RYR2: variants seen among roughly 807,000 people sequenced by gnomAD.
RYR2 encodes the protein cardiac muscle ryanodine receptor-calcium release channel.
A neutral mutation model predicts 601.1 loss-of-function variants in RYR2; 227 were observed. The observed-to-expected ratio is 0.38, with a 90% CI of 0.34 to 0.42. The LOEUF is 0.42. Among genes scored for constraint, RYR2 ranks in the 10% least tolerant of loss-of-function variants. RYR2 has a pLI of 1.00. For synonymous variants in RYR2, 2,223 were observed against 2,175.1 expected (o/e 1.02, Z -0.61); for missense variants, 4,646 against 6,156.5 (o/e 0.75, Z 8.21).
At chr1:237,199,084 G>A (rs1464827491) in intron 1 of RYR2, among the ~76,000 whole-genome samples, 1 of 152,158 alleles carries the variant, frequency 6.6e-6, no homozygotes, top group Non-Finnish European at 1.5e-5. Flanking sequence ...CCTGCAGAGT[G>A]TGTGAAACAA....
At chr1:237,349,375 A>G (rs1441714470) in intron 3 of RYR2, among the ~76,000 whole-genome samples, 18 of 152,186 alleles carry the variant, frequency 1.2e-4, no homozygotes, top group African/African-American at 4.1e-4. Context: ...GTGAGAGTGA[A>G]GTAAAGACAT....
intron 71 of RYR2, among the ~76,000 whole-genome samples, chr1:237,713,717 A>G (rs1689029100): frequency 6.6e-6 from 1 of 152,174 alleles, no homozygotes; most frequent in Non-Finnish European, 1.5e-5. Context: ...TCAAAAAAAT[A>G]TATATAGATA....
intron 96 of RYR2, among the ~76,000 whole-genome samples, chr1:237,796,188 T>G (rs907726463): frequency 2.0e-5 from 3 of 152,062 alleles, no homozygotes; most frequent in Non-Finnish European, 4.4e-5. Flanking sequence ...AAAGAATAAT[T>G]TTAAAATGGT....
At chr1:237,280,781 G>GT (rs35115328) in intron 2 of RYR2, among the ~76,000 whole-genome samples, 49,968 of 143,592 alleles carry the variant, frequency 0.35, 10,183 homozygotes, top group Admixed American at 0.46. Context: ...CTTCTTACTG[G>GT]TTTTTTTTTT....
intron 1 of RYR2, among the ~76,000 whole-genome samples, chr1:237,162,831 C>T (rs1676189506): frequency 6.6e-6 from 1 of 152,054 alleles, no homozygotes; most frequent in Non-Finnish European, 1.5e-5. Flanking sequence ...CAAGGCTCAT[C>T]GTCTAAATGC....
intron 1 of RYR2, among the ~76,000 whole-genome samples, chr1:237,100,236 T>G (rs1035856616): frequency 3.9e-5 from 6 of 152,152 alleles, no homozygotes; most frequent in Admixed American, 2.6e-4. Flanking sequence ...AGCATGCATT[T>G]CCTTCCGTCA....
chr1:237,769,743 T>C (rs1694124777), intron 84 of RYR2, among the ~76,000 whole-genome samples: 1 of 151,664 alleles, frequency 6.6e-6, no homozygotes, highest in African/African-American at 2.4e-5. Flanking sequence ...AAAGTTCTTT[T>C]TTTTTTTTTT....
At chr1:237,503,213 TCCCTAAGA>T in intron 21 of RYR2, 68 bp from the exon 22 acceptor site, 1 of 1,333,762 alleles carries the variant, frequency 7.5e-7, no homozygotes, top group Admixed American at 2.1e-5. Context: ...TAACAATTTT[TCCCTAAGA>T]TTTTGTGAAT....
At chr1:237,556,880 CAAAA>C (rs869116177) in intron 27 of RYR2, among the ~76,000 whole-genome samples, 955 of 77,700 alleles carry the variant, frequency 0.012, 4 homozygotes, top group African/African-American at 0.045. Context: ...TCCCTCCCAC[CAAAA>C]AAAAAAAAAA....
chr1:237,130,192 C>T (rs1461770581), intron 1 of RYR2, among the ~76,000 whole-genome samples: 3 of 152,094 alleles, frequency 2.0e-5, no homozygotes, highest in African/African-American at 7.2e-5. Context: ...CAAAACATCA[C>T]GTTGTACACA....
intron 1 of RYR2, among the ~76,000 whole-genome samples, chr1:237,072,546 G>C (rs1231870275): frequency 6.6e-6 from 1 of 152,180 alleles, no homozygotes; most frequent in Non-Finnish European, 1.5e-5. Context: ...AAAAGGAGCT[G>C]TGGGAGGTTT....
At position 237,639,083 on chromosome 1, in the gene RYR2, C is replaced by G. The variant is rs370137005; in HGVS notation, c.6997C>G (p.Pro2333Ala). 6.2e-7 allele frequency: 1 copy of G among 1,613,760 alleles called. No homozygotes were observed. Residue 2333 changes from proline to alanine, a missense_variant, in exon 46 of 105, where the codon CCT becomes GCT. Around this residue, in one of 17 missense-constraint regions of RYR2, gnomAD observed 137 missense variants for 273.6 expected, o/e 0.50. Transcript: ENST00000366574. ...LLIRRPECFG[P>A]ALRGEGGNGL... Reference sequence around the variant, plus strand: ...CATTCGGAGGCCTGAGTGTTTTGGTCCTGCTTTGAGAGGAGAAGGTGGGAA... The same window carrying G: ...CATTCGGAGGCCTGAGTGTTTTGGTGCTGCTTTGAGAGGAGAAGGTGGGAA...
Position 237,760,972 on chromosome 1 carries a change from C to T in RYR2, c.11420C>T (p.Ala3807Val), listed in dbSNP as rs775604089. Residue 3807 changes from alanine to valine, a missense_variant, in exon 84 of 105, where the codon GCA (alanine) becomes GTA (valine). Around this residue, in one of 17 missense-constraint regions of RYR2, gnomAD observed 1,497 missense variants for 1,842.6 expected, o/e 0.81. Coordinates refer to ENST00000366574, the MANE Select transcript of RYR2 (RefSeq NM_001035.3). ...TATTATAGTGTCCTTGACCTAAATG[C>T]ATTTGAGCGACAAAACAAAGCTGAA... ...MQSCSVLDLN[A>V]FERQNKAEGL... The T allele has an allele frequency of 6.4e-7, 1 of 1,573,246 alleles. No homozygotes were observed. Among genetic ancestry groups the T allele is most frequent in the Non-Finnish European group, 8.6e-7 (1 of 1,157,280 alleles).
chr1:237,316,572 C>T (rs1430428699), intron 2 of RYR2, among the ~76,000 whole-genome samples: 1 of 152,164 alleles, frequency 6.6e-6, no homozygotes, highest in African/African-American at 2.4e-5. Context: ...TGTTTCTCCT[C>T]CTGTGTTCCT....
At chr1:237,492,361 T>C (rs188084644) in intron 18 of RYR2, among the ~76,000 whole-genome samples, 1 of 152,336 alleles carries the variant, frequency 6.6e-6, no homozygotes, top group East Asian at 1.9e-4. Context: ...CAAGTAATAT[T>C]TTTTAGTGTT....
At chr1:237,053,551 G>A (rs1336969791) in intron 1 of RYR2, among the ~76,000 whole-genome samples, 1 of 152,162 alleles carries the variant, frequency 6.6e-6, no homozygotes. Flanking sequence ...ACGGAAACTG[G>A]TGAAGGATAA....
At chr1:237,550,137 G>T (rs902190417) in intron 26 of RYR2, among the ~76,000 whole-genome samples, 1 of 152,134 alleles carries the variant, frequency 6.6e-6, no homozygotes, top group African/African-American at 2.4e-5. Context: ...GCAGCCTTAA[G>T]TTCTTCATTG....
chr1:237,757,168 T>C (rs1693027504), intron 81 of RYR2, among the ~76,000 whole-genome samples: 1 of 152,158 alleles, frequency 6.6e-6, no homozygotes, highest in Non-Finnish European at 1.5e-5. Context: ...AAAAATGAAA[T>C]ATGTTACACT....
At chr1:237,500,970 C>T (rs1194299677) in intron 21 of RYR2, 67 bp downstream of exon 21, 2 of 1,396,264 alleles carry the variant, frequency 1.4e-6, no homozygotes, top group Non-Finnish European at 2.0e-6. Flanking sequence ...GAAGACTCTG[C>T]ACTGCCATTG....
Sources: gnomAD v4.1 joint callset for allele counts (sites outside exome capture counted in the v4.1 genomes callset) on GRCh38, gnomAD v4.1.1 for gene constraint, gnomAD v4.1.1 regional missense constraint, MANE v1.5 for transcripts, NCBI Gene and HGNC (gene_info 2026-07-23, HGNC 2026-07-21) for gene names.